Variants in HRH1 observed in about 807,000 individuals in gnomAD.
The protein encoded by HRH1 is histamine receptor H1.
HRH1 carries 6 observed loss-of-function variants against 10.3 expected under a neutral mutation model. That is an observed-to-expected ratio of 0.58 (90% confidence interval 0.32 to 1.15). HRH1 has a LOEUF of 1.15. Among genes scored for constraint, HRH1 ranks in the 50% most tolerant of loss-of-function variants. HRH1 has a pLI of 0.05. For synonymous variants in HRH1, 242 were observed against 236.7 expected, an observed-to-expected ratio of 1.02 and a Z score of -0.21; for missense variants, 514 against 615.3, an observed-to-expected ratio of 0.84 and a Z score of 1.74.
chr3:11,257,928 C>A (rs1469004075), intron 1 of HRH1, among the ~76,000 whole-genome samples: 1 of 152,212 alleles, frequency 6.6e-6, no homozygotes, highest in Non-Finnish European at 1.5e-5. Flanking sequence ...CCTCCCACCT[C>A]AGACTCCCAA....
intron 1 of HRH1, chr3:11,234,599 A>C: frequency 7.0e-7 from 1 of 1,437,102 alleles, no homozygotes; most frequent in East Asian, 2.3e-5. Flanking sequence ...TCAGCCACCA[A>C]TTCTGCATTG....
At chr3:11,247,950 G>A (rs1439424961) in intron 1 of HRH1, among the ~76,000 whole-genome samples, 4 of 152,152 alleles carry the variant, frequency 2.6e-5, no homozygotes, top group African/African-American at 9.7e-5. Flanking sequence ...TGAATATTGA[G>A]GTCATAATTC....
chr3:11,148,658 C>A (rs60926771), intron 1 of HRH1, among the ~76,000 whole-genome samples: 21,603 of 152,066 alleles, frequency 0.14, 1,760 homozygotes, highest in East Asian at 0.3. Context: ...GTTCCGTTTA[C>A]AGAGATTTCC....
At chr3:11,174,339 G>A (rs1937209857) in intron 1 of HRH1, among the ~76,000 whole-genome samples, 1 of 152,160 alleles carries the variant, frequency 6.6e-6, no homozygotes, top group Non-Finnish European at 1.5e-5. Context: ...GAGGTATGAG[G>A]AGATAGCCCT....
chr3:11,154,626 A>C lies in HRH1; in HGVS notation c.-36+72A>C, dbSNP rs775535187. 36 of 151,884 alleles carry C rather than the reference A, an allele frequency of 2.4e-4. No homozygotes were observed. Among genetic ancestry groups the C allele is most frequent in the Middle Eastern group, 3.4e-3 (1 of 292 alleles). The allele number at this position is 151,884 out of a possible 1,614,324, so 9.4% of individuals were successfully genotyped here. ...GGCTGGGCGAGGCTGCGCGCTGGCC[A>C]GGCTGGGTTCCGGGCATCCCGGCAG... On this transcript the variant is annotated intron_variant, in intron 1 of 1. Coordinates refer to ENST00000431010, the MANE Select transcript of HRH1 (RefSeq NM_001098212.2). This position sits in a 1 kb window ranked among gnomAD's most constrained non-coding sequence, Gnocchi z 4.4.
intron 1 of HRH1, among the ~76,000 whole-genome samples, chr3:11,173,768 T>C (rs1389544237): frequency 6.6e-6 from 1 of 152,208 alleles, no homozygotes; most frequent in Non-Finnish European, 1.5e-5. Flanking sequence ...TCCTGAGGAA[T>C]TCATCTTCTG....
intron 1 of HRH1, among the ~76,000 whole-genome samples, chr3:11,183,383 T>A (rs538545113): frequency 9.8e-5 from 15 of 152,326 alleles, no homozygotes; most frequent in African/African-American, 3.6e-4. Flanking sequence ...CACTTGGCAA[T>A]GTCTAGAGGC....
At chr3:11,184,344 T>G (rs190865342) in intron 1 of HRH1, among the ~76,000 whole-genome samples, 1 of 152,230 alleles carries the variant, frequency 6.6e-6, no homozygotes, top group East Asian at 1.9e-4. Context: ...GTTAAGTAAC[T>G]TGCCTAAAAT....
intron 1 of HRH1, among the ~76,000 whole-genome samples, chr3:11,187,995 C>T (rs1437243628): frequency 6.6e-6 from 1 of 152,108 alleles, no homozygotes; most frequent in African/African-American, 2.4e-5. Flanking sequence ...CTGTGTATAA[C>T]ATAGAAAATA....
chr3:11,170,497 G>T (rs1016841505), intron 1 of HRH1, among the ~76,000 whole-genome samples: 7 of 152,368 alleles, frequency 4.6e-5, no homozygotes, highest in African/African-American at 1.7e-4. Context: ...TTGAACCGGC[G>T]GCCTGGTGGG....
At chr3:11,221,307 C>G (rs372226133) in intron 1 of HRH1, among the ~76,000 whole-genome samples, 1 of 152,084 alleles carries the variant, frequency 6.6e-6, no homozygotes, top group Non-Finnish European at 1.5e-5. Context: ...AATCCTAGCA[C>G]TTTGGGAGGC....
intron 1 of HRH1, among the ~76,000 whole-genome samples, chr3:11,171,897 A>C (rs771782277): frequency 1.3e-5 from 2 of 152,228 alleles, no homozygotes; most frequent in Non-Finnish European, 2.9e-5. Flanking sequence ...AGTAAGGGGA[A>C]AACTTCTTTC....
At chr3:11,196,208 C>A (rs1237750721) in intron 1 of HRH1, among the ~76,000 whole-genome samples, 1 of 152,216 alleles carries the variant, frequency 6.6e-6, no homozygotes, top group East Asian at 1.9e-4. Context: ...AAGTCTCCAG[C>A]CTCATCCCTC....
chr3:11,243,330 G>A (rs1939399157), intron 1 of HRH1, among the ~76,000 whole-genome samples: 1 of 152,200 alleles, frequency 6.6e-6, no homozygotes, highest in African/African-American at 2.4e-5. Flanking sequence ...GGTCCCTGCT[G>A]TCAGCGAATG....
chr3:11,203,394 G>A (rs1938004479), intron 1 of HRH1, among the ~76,000 whole-genome samples: 1 of 152,084 alleles, frequency 6.6e-6, no homozygotes, highest in Non-Finnish European at 1.5e-5. Context: ...TTCTTTCAAG[G>A]AGCATGCCTT....
upstream of HRH1, among the ~76,000 whole-genome samples, chr3:11,154,085 C>T (rs1382434445): frequency 6.6e-6 from 1 of 152,226 alleles, no homozygotes; most frequent in East Asian, 1.9e-4. The surrounding 1 kb of genome is among the most constrained non-coding windows in gnomAD (Gnocchi z 4.4). Flanking sequence ...CTATTTCCAT[C>T]TGTGCCTCTT....
intron 1 of HRH1, among the ~76,000 whole-genome samples, chr3:11,249,328 G>A (rs1164499989): frequency 2.0e-5 from 3 of 150,854 alleles, no homozygotes; most frequent in South Asian, 2.1e-4. Flanking sequence ...GCGTGAACTC[G>A]GGAGGCAGAG....
At chr3:11,203,874 AC>A (rs1008865479) in intron 1 of HRH1, among the ~76,000 whole-genome samples, 3 of 152,146 alleles carry the variant, frequency 2.0e-5, no homozygotes, top group African/African-American at 7.2e-5. Flanking sequence ...GCTTATATCC[AC>A]AAAATAACTT....
chr3:11,183,820 T>C (rs1937402838), intron 1 of HRH1, among the ~76,000 whole-genome samples: 1 of 148,236 alleles, frequency 6.7e-6, no homozygotes, highest in African/African-American at 2.5e-5. Flanking sequence ...AAATTTCAAA[T>C]AAGCTTGTGA....
Sources: allele counts gnomAD v4.1 joint callset (sites outside exome capture counted in the v4.1 genomes callset), GRCh38; gene constraint gnomAD v4.1.1; non-coding constraint Gnocchi (gnomAD v3.1); transcripts MANE v1.5; gene names NCBI Gene and HGNC (gene_info 2026-07-23, HGNC 2026-07-21).